The following RYR3 variants were observed in gnomAD, a reference collection of about 807,000 sequenced individuals.
The protein encoded by RYR3 is ryanodine receptor 3.
Under a neutral mutation model 584.3 loss-of-function variants are expected in RYR3, and 207 were observed. The ratio of observed to expected loss-of-function variants is 0.35; its 90% CI spans 0.32 to 0.40. RYR3 has a LOEUF of 0.40. RYR3 is among the 10% of genes least tolerant of loss of function. The pLI is 1.00. For synonymous variants in RYR3, 2,416 were observed against 2,248.5 expected, an observed-to-expected ratio of 1.07 and a Z score of -2.11; for missense variants, 5,616 against 6,089.2, an observed-to-expected ratio of 0.92 and a Z score of 2.59.
rs544505131 is a variant in RYR3, at chr15:33,840,997, C to T, written c.13037+114C>T. 1.8e-5 allele frequency: 17 copies of T among 919,744 alleles called. No individual in the cohort carries two copies. In the South Asian group the frequency reaches 2.5e-4, roughly 14 times the overall value. The allele number at this position is 919,744 out of a possible 1,614,324, so 57.0% of individuals were successfully genotyped here. A position where few individuals can be genotyped will look rare whatever the true frequency, so the allele number is the denominator to read the frequency against. Reference sequence around the variant, plus strand: ...CTTTGAGAGGCTGAGGCTGGAGGATCACTTGAACCCAGGACTTCGAGACCA... The same window carrying T: ...CTTTGAGAGGCTGAGGCTGGAGGATTACTTGAACCCAGGACTTCGAGACCA... On this transcript the variant is annotated intron_variant, in intron 90 of 103. Transcript: ENST00000634891.
At chr15:33,668,821 G>A (rs755142615) in intron 36 of RYR3, among the ~76,000 whole-genome samples, 2 of 151,918 alleles carry the variant, frequency 1.3e-5, no homozygotes, top group Admixed American at 1.3e-4. Flanking sequence ...AATAATCAGA[G>A]ACATGAAAAA....
rs186228532 is a variant in RYR3 at position 33,596,734 on chromosome 15, A to G, written c.1789-4685A>G. 5.9e-5 allele frequency among the ~76,000 whole-genome samples: 9 copies of G among 152,302 alleles called. No individual in the cohort carries two copies. In the East Asian group the frequency reaches 1.7e-3, roughly 29 times the overall value. On this transcript the variant is annotated intron_variant, in intron 16 of 103. Coordinates refer to ENST00000634891, the MANE Select transcript of RYR3 (RefSeq NM_001036.6). Reference sequence around the variant, plus strand: ...TTATTGTTAACTATTAGATTGGTGCAAAAGTAATTGCAGTTTGCCATTCCT... The same window carrying G: ...TTATTGTTAACTATTAGATTGGTGCGAAAGTAATTGCAGTTTGCCATTCCT...
At chr15:33,393,098 A>G (rs1396465809) in intron 1 of RYR3, among the ~76,000 whole-genome samples, 1 of 152,224 alleles carries the variant, frequency 6.6e-6, no homozygotes. Context: ...AACCAGCTCT[A>G]TCAAGAGAGA....
At chr15:33,546,222 T>C (rs2056225851) in intron 8 of RYR3, among the ~76,000 whole-genome samples, 1 of 152,206 alleles carries the variant, frequency 6.6e-6, no homozygotes, top group Non-Finnish European at 1.5e-5. Flanking sequence ...ATCTTCTAGT[T>C]CCAGCTCCAG....
intron 64 of RYR3, among the ~76,000 whole-genome samples, chr15:33,779,561 A>G (rs368359891): frequency 1.6e-4 from 24 of 152,334 alleles, no homozygotes; most frequent in Non-Finnish European, 2.8e-4. Flanking sequence ...AGCAGAGAAG[A>G]GACACAGAGA....
At chr15:33,790,914 A>C (rs981219040) in intron 67 of RYR3, among the ~76,000 whole-genome samples, 1 of 152,184 alleles carries the variant, frequency 6.6e-6, no homozygotes, top group African/African-American at 2.4e-5. Context: ...TCCAGAAGGA[A>C]AGAATGACCA....
intron 60 of RYR3, among the ~76,000 whole-genome samples, chr15:33,762,249 T>C (rs1468974745): frequency 6.6e-6 from 1 of 152,224 alleles, no homozygotes; most frequent in African/African-American, 2.4e-5. Context: ...TTGGAAGTTC[T>C]GGCCAGGGCA....
chr15:33,408,006 C>T (rs1038265251), intron 1 of RYR3, among the ~76,000 whole-genome samples: 3 of 89,454 alleles, frequency 3.4e-5, no homozygotes, highest in Admixed American at 1.3e-4. Flanking sequence ...CCCAGTTAAA[C>T]TTGAATTTTT....
At chr15:33,778,799 G>A (rs1365558097) in intron 64 of RYR3, among the ~76,000 whole-genome samples, 1 of 152,158 alleles carries the variant, frequency 6.6e-6, no homozygotes, top group Non-Finnish European at 1.5e-5. Flanking sequence ...TTATCCAAAG[G>A]ACAAGACTGA....
intron 52 of RYR3, 149 bp downstream of exon 52, chr15:33,742,593 A>T: frequency 4.8e-6 from 3 of 626,562 alleles, no homozygotes; most frequent in Non-Finnish European, 8.5e-6. Context: ...GCAATTTCCC[A>T]GGGTTGGTGG....
In RYR3 at chr15:33,390,097, G is replaced by A. The variant is rs567913491; in HGVS notation, c.51+79001G>A. On this transcript the variant is annotated intron_variant, in intron 1 of 103. Transcript: ENST00000634891. The surrounding 1 kb of genome is among the most constrained non-coding windows in gnomAD (Gnocchi z 4.2). The stretch of plus-strand genomic sequence containing the variant: ...GTTTGTGGTAAATGAAATTTATGTC[G>A]CCGGATGAATTGGCTTCACTGCTGG... Among the ~76,000 whole-genome samples, 12 of 152,248 alleles carry A rather than the reference G, an allele frequency of 7.9e-5. No homozygotes were observed. In the South Asian group the frequency reaches 1.0e-3, roughly 13 times the overall value.
chr15:33,590,640 G>GGT (rs375540972), intron 16 of RYR3, among the ~76,000 whole-genome samples: 3 of 144,978 alleles, frequency 2.1e-5, no homozygotes, highest in South Asian at 2.2e-4. Flanking sequence ...TTTTCATAGG[G>GGT]TTTTTTTTTT....
intron 19 of RYR3, among the ~76,000 whole-genome samples, chr15:33,615,005 G>A (rs2060380485): frequency 6.6e-6 from 1 of 152,090 alleles, no homozygotes; most frequent in African/African-American, 2.4e-5. Context: ...CTACCAGTTG[G>A]ATGCTATTTT....
At chr15:33,683,768 GA>G (rs1313751903) in intron 38 of RYR3, among the ~76,000 whole-genome samples, 1 of 152,224 alleles carries the variant, frequency 6.6e-6, no homozygotes, top group Admixed American at 6.5e-5. Flanking sequence ...GGAAAAAGGA[GA>G]AACTTCCGCC....
chr15:33,607,346 G>T (rs1175589932), intron 18 of RYR3, among the ~76,000 whole-genome samples: 1 of 152,136 alleles, frequency 6.6e-6, no homozygotes, highest in African/African-American at 2.4e-5. Context: ...ATATTATCGG[G>T]TTTGGAATGG....
chr15:33,452,700 G>C (rs1028478140), intron 1 of RYR3, among the ~76,000 whole-genome samples: 2 of 116,974 alleles, frequency 1.7e-5, no homozygotes, highest in South Asian at 2.8e-4. Flanking sequence ...AAAAATTGAG[G>C]TGTGAGAGGT....
chr15:33,699,937 A>G (rs1321201045), intron 41 of RYR3, 104 bp downstream of exon 41: 30 of 1,098,730 alleles, frequency 2.7e-5, no homozygotes, highest in Non-Finnish European at 3.4e-5. Flanking sequence ...GCACGCTGTG[A>G]TATTTGTAAA....
chr15:33,627,258 TTG>T (rs1379216291), intron 20 of RYR3, among the ~76,000 whole-genome samples: 10 of 152,226 alleles, frequency 6.6e-5, no homozygotes, highest in African/African-American at 9.6e-5. Context: ...TTCTTAGGGA[TTG>T]TCAACCAATA....
chr15:33,667,060 A>C (rs776325352), intron 36 of RYR3, among the ~76,000 whole-genome samples: 2 of 152,086 alleles, frequency 1.3e-5, no homozygotes, highest in African/African-American at 4.8e-5. Context: ...ACGTGACCCA[A>C]CCTGTTCTGT....
Sources: gnomAD v4.1 joint callset for allele counts (sites outside exome capture counted in the v4.1 genomes callset) on GRCh38, gnomAD v4.1.1 for gene constraint, Gnocchi (gnomAD v3.1) non-coding constraint, MANE v1.5 for transcripts, NCBI Gene and HGNC (gene_info 2026-07-23, HGNC 2026-07-21) for gene names.